LEPR: variants seen among roughly 807,000 people sequenced by gnomAD.
LEPR encodes the protein leptin receptor.
A neutral mutation model predicts 114.7 loss-of-function variants in LEPR; 56 were observed. The ratio of observed to expected loss-of-function variants is 0.49; its 90% CI spans 0.39 to 0.61. The LOEUF (loss-of-function observed/expected upper bound fraction) is 0.61. LEPR is among the 20% of genes least tolerant of loss of function. LEPR has a pLI of 0.00. For synonymous variants in LEPR, 443 were observed against 461.4 expected, an observed-to-expected ratio of 0.96 and a Z score of 0.51; for missense variants, 1,202 against 1,352.9, an observed-to-expected ratio of 0.89 and a Z score of 1.75.
intron 2 of LEPR, among the ~76,000 whole-genome samples, chr1:65,455,396 TC>T (rs1409753920): frequency 6.6e-6 from 1 of 152,230 alleles, no homozygotes; most frequent in African/African-American, 2.4e-5. Context: ...GCTCTGTTTT[TC>T]CCCATCTTTG....
At chr1:65,619,895 A>G (rs1657772280) in intron 16 of LEPR, 33 bp from the exon 17 acceptor site, 5 of 1,521,890 alleles carry the variant, frequency 3.3e-6, no homozygotes, top group Non-Finnish European at 4.6e-6. Context: ...TTAATTTTGT[A>G]TAAATGAGCC....
At chr1:65,421,865 G>GA (rs1247712543) in intron 1 of LEPR, among the ~76,000 whole-genome samples, 5 of 151,720 alleles carry the variant, frequency 3.3e-5, no homozygotes, top group South Asian at 2.1e-4. Flanking sequence ...GTGATGTAGT[G>GA]AAAAAAAAGG....
intron 14 of LEPR, among the ~76,000 whole-genome samples, chr1:65,615,349 A>T (rs1428045070): frequency 6.6e-6 from 1 of 152,196 alleles, no homozygotes; most frequent in Non-Finnish European, 1.5e-5. Context: ...ATAAGAATAG[A>T]ATTGAACTAG....
intron 2 of LEPR, among the ~76,000 whole-genome samples, chr1:65,495,618 A>G (rs1192486694): frequency 6.6e-6 from 1 of 152,218 alleles, no homozygotes; most frequent in African/African-American, 2.4e-5. Context: ...TTGCAGTGCT[A>G]TTCACAATAG....
At position 65,425,447 on chromosome 1, in the gene LEPR, A is replaced by G. The variant is rs1646342059; in HGVS notation, c.-21+69A>G. On this transcript the variant is annotated intron_variant, in intron 2 of 19. Coordinates refer to ENST00000349533, the MANE Select transcript of LEPR (RefSeq NM_002303.6). The stretch of plus-strand genomic sequence containing the variant: ...TTGTCACTATTAGTATGGGTGTTAG[A>G]GAGTTCGGTCAATTTAGCACCAAGT... The G allele has an allele frequency of 1.5e-5, 20 of 1,373,588 alleles. No homozygotes were observed. In the South Asian group the frequency reaches 2.7e-4, roughly 18 times the overall value. The allele number at this position is 1,373,588 out of a possible 1,614,324, so 85.1% of individuals were successfully genotyped here.
chr1:65,543,342 C>A (rs1651386646), intron 2 of LEPR, among the ~76,000 whole-genome samples: 1 of 151,682 alleles, frequency 6.6e-6, no homozygotes, highest in African/African-American at 2.4e-5. Context: ...TGTTTAAGTT[C>A]TTTGTAGATT....
At chr1:65,466,053 T>C (rs974983147) in intron 2 of LEPR, among the ~76,000 whole-genome samples, 3 of 152,200 alleles carry the variant, frequency 2.0e-5, no homozygotes, top group Non-Finnish European at 4.4e-5. Flanking sequence ...TATATTTGAA[T>C]TTGATCCTAT....
intron 1 of LEPR, 76 bp from the exon 2 acceptor site, chr1:65,425,227 C>G: frequency 7.9e-7 from 1 of 1,260,824 alleles, no homozygotes; most frequent in Non-Finnish European, 1.1e-6. Flanking sequence ...AGAAGTCACT[C>G]CCCATTTCCC....
chr1:65,427,621 C>T (rs187357780), intron 2 of LEPR, among the ~76,000 whole-genome samples: 27 of 152,216 alleles, frequency 1.8e-4, no homozygotes, highest in East Asian at 3.9e-4. Context: ...CATGTTCTGA[C>T]GCCCTTGACC....
At chr1:65,547,275 G>C (rs1233846277) in intron 2 of LEPR, among the ~76,000 whole-genome samples, 1 of 151,938 alleles carries the variant, frequency 6.6e-6, no homozygotes, top group Non-Finnish European at 1.5e-5. Context: ...TCTCTTTTTT[G>C]GTTGTGTCTC....
chr1:65,437,623 C>T (rs916758328), intron 2 of LEPR, among the ~76,000 whole-genome samples: 5 of 151,366 alleles, frequency 3.3e-5, no homozygotes, highest in South Asian at 2.1e-4. Flanking sequence ...CTAGCCTAGG[C>T]GACAGAGGGA....
chr1:65,483,871 T>A (rs1647341147), intron 2 of LEPR, among the ~76,000 whole-genome samples: 1 of 152,114 alleles, frequency 6.6e-6, no homozygotes, highest in Non-Finnish European at 1.5e-5. Context: ...GTCACTATCT[T>A]CTTCCTTGTT....
chr1:65,565,170 A>G (rs1485994588), intron 2 of LEPR, among the ~76,000 whole-genome samples: 2 of 152,244 alleles, frequency 1.3e-5, no homozygotes, highest in Non-Finnish European at 2.9e-5. Flanking sequence ...AGACCTGAGC[A>G]TGAAAGAAAT....
Position 65,638,781 on chromosome 1 carries a change from T to C in LEPR, c.*1766T>C, listed in dbSNP as rs867357742. On this transcript the variant is annotated 3_prime_UTR_variant, in exon 20 of 20. Coordinates refer to ENST00000349533, the MANE Select transcript of LEPR (RefSeq NM_002303.6). Reference sequence around the variant, plus strand: ...CAACTAATGACCCCCTTACAAGAAATAGGTAAAGGGCTGATAGCAACTCAT... The same window carrying C: ...CAACTAATGACCCCCTTACAAGAAACAGGTAAAGGGCTGATAGCAACTCAT... 1.3e-5 allele frequency: 2 copies of C among 152,246 alleles called. No homozygotes were observed. Among genetic ancestry groups the C allele is most frequent in the South Asian group, 4.1e-4 (2 of 4,826 alleles). The allele number at this position is 152,246 out of a possible 1,614,324, so 9.4% of individuals were successfully genotyped here.
chr1:65,617,106 C>T (rs550044022), intron 15 of LEPR, among the ~76,000 whole-genome samples: 1 of 152,054 alleles, frequency 6.6e-6, no homozygotes. Context: ...TAGAATGCGT[C>T]AGTGGGGTAG....
At chr1:65,531,633 G>A (rs1650407998) in intron 2 of LEPR, among the ~76,000 whole-genome samples, 1 of 152,032 alleles carries the variant, frequency 6.6e-6, no homozygotes, top group South Asian at 2.1e-4. Flanking sequence ...TAACATGTAA[G>A]AGGTGCTCAA....
chr1:65,516,258 C>T (rs1157302477), intron 2 of LEPR, among the ~76,000 whole-genome samples: 1 of 152,116 alleles, frequency 6.6e-6, no homozygotes, highest in Admixed American at 6.5e-5. Context: ...CATGGTGAAA[C>T]CCTGTCTCTA....
chr1:65,427,209 A>G (rs541731844), intron 2 of LEPR, among the ~76,000 whole-genome samples: 1 of 152,274 alleles, frequency 6.6e-6, no homozygotes, highest in African/African-American at 2.4e-5. Context: ...GTAATACGGT[A>G]TTATTATCCT....
chr1:65,422,694 G>A (rs149423317), intron 1 of LEPR, among the ~76,000 whole-genome samples: 3 of 152,328 alleles, frequency 2.0e-5, no homozygotes, highest in Non-Finnish European at 2.9e-5. Flanking sequence ...GTGACATGGC[G>A]CAGGGCTTAT....
Sources: allele counts gnomAD v4.1 joint callset (sites outside exome capture counted in the v4.1 genomes callset), GRCh38; gene constraint gnomAD v4.1.1; transcripts MANE v1.5; gene names NCBI Gene and HGNC (gene_info 2026-07-23, HGNC 2026-07-21).